MGAT4C: variants seen among roughly 807,000 people sequenced by gnomAD.
MGAT4C encodes the protein alpha-1,3-mannosyl-glycoprotein 4-beta-N-acetylglucosaminyltransferase C.
Under a neutral mutation model 40.1 loss-of-function variants are expected in MGAT4C, and 19 were observed. That is an observed-to-expected ratio of 0.47 (90% CI 0.33 to 0.70). MGAT4C has a LOEUF of 0.70. MGAT4C is among the 30% of genes least tolerant of loss of function. The pLI, the probability that MGAT4C is intolerant of heterozygous loss-of-function variation, is 0.02. For missense variants in MGAT4C, 491 were observed against 563.2 expected (o/e 0.87, Z 1.30); for synonymous variants, 181 against 187.1 (o/e 0.97, Z 0.27).
At chr12:86,305,329 C>T (rs887486512) in intron 4 of MGAT4C, among the ~76,000 whole-genome samples, 1 of 149,306 alleles carries the variant, frequency 6.7e-6, no homozygotes, top group Admixed American at 6.6e-5. Context: ...ATCCCAGCTA[C>T]AAGGGAGGCT....
intron 3 of MGAT4C, among the ~76,000 whole-genome samples, chr12:86,359,524 A>T (rs192282723): frequency 2.0e-3 from 302 of 152,316 alleles, no homozygotes; most frequent in African/African-American, 7.2e-3. Flanking sequence ...ACCCTTCAAA[A>T]AATCAATGAA....
intron 2 of MGAT4C, among the ~76,000 whole-genome samples, chr12:86,678,151 A>G (rs1184570075): frequency 6.6e-6 from 1 of 152,106 alleles, no homozygotes; most frequent in Non-Finnish European, 1.5e-5. Context: ...CAGAGCTGAA[A>G]CCCTAATTTT....
intron 2 of MGAT4C, among the ~76,000 whole-genome samples, chr12:86,721,761 G>A (rs749045418): frequency 3.9e-5 from 6 of 151,992 alleles, no homozygotes; most frequent in Non-Finnish European, 8.8e-5. Flanking sequence ...ACGTAAGATT[G>A]AACAAAAAAA....
rs547761755 is a variant in MGAT4C, at chr12:86,276,579, C to A, written c.-57+57486G>T. ...CCATACTCAATCCCCCACTTCAACA[C>A]CTGCACTGCCTTTCTCAACTTCTGG... On this transcript the variant is annotated intron_variant, in intron 4 of 7. Transcript: ENST00000548651. Among the ~76,000 whole-genome samples, 538 of 152,270 alleles carry A rather than the reference C, an allele frequency of 3.5e-3. 2 individuals are homozygous for A. The highest frequency in any genetic ancestry group is 6.8e-3 in the Middle Eastern group (2 of 294).
chr12:86,437,418 T>C (rs1411712979), intron 2 of MGAT4C, among the ~76,000 whole-genome samples: 1 of 151,744 alleles, frequency 6.6e-6, no homozygotes, highest in Non-Finnish European at 1.5e-5. Flanking sequence ...CTAAAAGTTA[T>C]TGTTGACGTC....
At chr12:86,777,671 A>G (rs1049893817) in intron 1 of MGAT4C, among the ~76,000 whole-genome samples, 1 of 152,192 alleles carries the variant, frequency 6.6e-6, no homozygotes, top group Non-Finnish European at 1.5e-5. Context: ...ACTGAAATAT[A>G]TAGTGAAGGA....
intron 1 of MGAT4C, among the ~76,000 whole-genome samples, chr12:86,155,845 T>C (rs1047336519): frequency 4.9e-4 from 75 of 152,330 alleles, no homozygotes; most frequent in African/African-American, 1.7e-3. Flanking sequence ...TGGTGTTCTT[T>C]TAATCCAGTG....
chr12:86,502,311 G>A (rs567202484), intron 2 of MGAT4C, among the ~76,000 whole-genome samples: 22 of 152,066 alleles, frequency 1.4e-4, no homozygotes, highest in African/African-American at 4.1e-4. Context: ...CTATGGAGAC[G>A]GAAAAGGGAT....
chr12:86,087,641 C>G (rs1872118613), intron 1 of MGAT4C, among the ~76,000 whole-genome samples: 1 of 151,846 alleles, frequency 6.6e-6, no homozygotes, highest in Non-Finnish European at 1.5e-5. Flanking sequence ...ACGGAGTTCA[C>G]AGTATGCACA....
At chr12:86,603,795 ATATAT>A (rs1961938626) in intron 2 of MGAT4C, among the ~76,000 whole-genome samples, 1 of 24,010 alleles carries the variant, frequency 4.2e-5, no homozygotes, top group East Asian at 3.1e-3. Flanking sequence ...AATATATAGT[ATATAT>A]ATTATATAGT....
chr12:86,797,171 T>C (rs1195659781), intron 1 of MGAT4C, among the ~76,000 whole-genome samples: 1 of 151,916 alleles, frequency 6.6e-6, no homozygotes, highest in African/African-American at 2.4e-5. Flanking sequence ...TGCTGTACTT[T>C]TATCTCCTCT....
intron 3 of MGAT4C, among the ~76,000 whole-genome samples, chr12:86,369,700 C>CT (rs767766272): frequency 2.0e-5 from 3 of 151,636 alleles, no homozygotes; most frequent in Non-Finnish European, 3.0e-5. Flanking sequence ...TGTTATTATC[C>CT]TTTTTCAACA....
chr12:86,145,073 T>A (rs1883339962), intron 1 of MGAT4C, among the ~76,000 whole-genome samples: 1 of 152,174 alleles, frequency 6.6e-6, no homozygotes, highest in Non-Finnish European at 1.5e-5. Flanking sequence ...ATGCAAAACC[T>A]TGCCAACTTT....
intron 2 of MGAT4C, among the ~76,000 whole-genome samples, chr12:86,508,134 T>C (rs961879312): frequency 2.0e-5 from 3 of 152,150 alleles, no homozygotes; most frequent in Non-Finnish European, 2.9e-5. Context: ...TGTATACATG[T>C]GCCATGCTGG....
chr12:86,723,447 T>C (rs1401319508), intron 2 of MGAT4C, among the ~76,000 whole-genome samples: 3 of 152,156 alleles, frequency 2.0e-5, no homozygotes, highest in African/African-American at 4.8e-5. Flanking sequence ...CAGGAAAGGA[T>C]CTGTTTCAGG....
intron 2 of MGAT4C, among the ~76,000 whole-genome samples, chr12:86,638,477 AG>A (rs1281464743): frequency 6.6e-6 from 1 of 151,868 alleles, no homozygotes. Context: ...GGATAAGATG[AG>A]GTAATAAATA....
chr12:86,790,046 C>T (rs1427614465), intron 1 of MGAT4C, among the ~76,000 whole-genome samples: 2 of 152,044 alleles, frequency 1.3e-5, no homozygotes, highest in East Asian at 1.9e-4. Context: ...CCTTGCAAAC[C>T]ACATGTACTG....
At chr12:86,359,867 C>T (rs955909799) in intron 3 of MGAT4C, among the ~76,000 whole-genome samples, 10 of 152,124 alleles carry the variant, frequency 6.6e-5, no homozygotes, top group Non-Finnish European at 7.4e-5. Context: ...ACGTCCAGGA[C>T]CAGATGGATT....
chr12:86,581,460 G>C (rs1197174730), intron 2 of MGAT4C, among the ~76,000 whole-genome samples: 1 of 151,404 alleles, frequency 6.6e-6, no homozygotes, highest in African/African-American at 2.4e-5. Flanking sequence ...GGATGGTACT[G>C]TTTCCTGCAG....
Sources: gnomAD v4.1 joint callset for allele counts (sites outside exome capture counted in the v4.1 genomes callset) on GRCh38, gnomAD v4.1.1 for gene constraint, MANE v1.5 for transcripts, NCBI Gene and HGNC (gene_info 2026-07-23, HGNC 2026-07-21) for gene names.